RALYL: variants seen among roughly 807,000 people sequenced by gnomAD.
The protein encoded by RALYL is RALY RNA binding protein like.
A neutral mutation model predicts 35.1 loss-of-function variants in RALYL; 29 were observed. The ratio of observed to expected loss-of-function variants is 0.83; its 90% confidence interval spans 0.61 to 1.13. The LOEUF (loss-of-function observed/expected upper bound fraction) is 1.13, where lower values mean the gene tolerates loss of function less well. Ranked by LOEUF, RALYL falls within the 50% of genes most tolerant of loss-of-function variation. RALYL has a pLI of 0.00. For missense variants in RALYL, 359 were observed against 360.4 expected, an observed-to-expected ratio of 1.00 and a Z score of 0.03; for synonymous variants, 120 against 127.6, an observed-to-expected ratio of 0.94 and a Z score of 0.40.
chr8:84,469,081 T>G (rs2052255613), intron 1 of RALYL, among the ~76,000 whole-genome samples: 1 of 152,202 alleles, frequency 6.6e-6, no homozygotes, highest in Non-Finnish European at 1.5e-5. Flanking sequence ...TTCTTTGCCT[T>G]CGGTTTGAAT....
At chr8:84,415,305 G>C (rs113241247) in intron 1 of RALYL, among the ~76,000 whole-genome samples, 4,387 of 150,626 alleles carry the variant, frequency 0.029, 214 homozygotes, top group African/African-American at 0.1. Flanking sequence ...TGCAATCTCG[G>C]CTCGGCTCAC....
At chr8:84,643,246 A>T (rs931115669) in intron 2 of RALYL, among the ~76,000 whole-genome samples, 1 of 152,018 alleles carries the variant, frequency 6.6e-6, no homozygotes, top group Middle Eastern at 3.4e-3. Flanking sequence ...GGGTACCACA[A>T]ATACAAACAA....
chr8:84,438,736 A>G (rs557843703), intron 1 of RALYL, among the ~76,000 whole-genome samples: 1 of 152,082 alleles, frequency 6.6e-6, no homozygotes, highest in South Asian at 2.1e-4. Context: ...TAAATATTTA[A>G]TCCATCTTAA....
At chr8:84,783,738 A>T (rs1818730938) in intron 3 of RALYL, among the ~76,000 whole-genome samples, 1 of 152,220 alleles carries the variant, frequency 6.6e-6, no homozygotes, top group Admixed American at 6.5e-5. Context: ...TATTTAAAAA[A>T]GAAGATGAAG....
intron 1 of RALYL, among the ~76,000 whole-genome samples, chr8:84,374,569 T>C (rs534564764): frequency 2.6e-4 from 40 of 151,902 alleles, no homozygotes; most frequent in African/African-American, 9.6e-4. Flanking sequence ...ATGTCTTTTG[T>C]GGGAACATGG....
chr8:84,449,786 T>C (rs2133158665), intron 1 of RALYL, among the ~76,000 whole-genome samples: 1 of 152,182 alleles, frequency 6.6e-6, no homozygotes, highest in Middle Eastern at 3.4e-3. Context: ...CATCTAATCT[T>C]TTGAATTTGT....
chr8:84,775,696 A>T (rs1441070004), intron 3 of RALYL, among the ~76,000 whole-genome samples: 1 of 152,198 alleles, frequency 6.6e-6, no homozygotes, highest in Non-Finnish European at 1.5e-5. Flanking sequence ...GAAGAGATTT[A>T]GCACCTTTGT....
intron 1 of RALYL, among the ~76,000 whole-genome samples, chr8:84,444,974 G>A (rs2048709579): frequency 1.3e-5 from 2 of 151,996 alleles, no homozygotes; most frequent in African/African-American, 2.4e-5. Context: ...TAAGTACCAG[G>A]AAAGGGTTTA....
At chr8:84,269,779 A>G in intron 1 of RALYL, among the ~76,000 whole-genome samples, 1 of 152,146 alleles carries the variant, frequency 6.6e-6, no homozygotes, top group East Asian at 1.9e-4. Context: ...TAGGAGAAAT[A>G]GGTTCTAATA....
At chr8:84,661,931 T>C (rs1831009153) in intron 2 of RALYL, among the ~76,000 whole-genome samples, 1 of 151,236 alleles carries the variant, frequency 6.6e-6, no homozygotes, top group Non-Finnish European at 1.5e-5. Flanking sequence ...CATAGTCACA[T>C]TTTTGTTACT....
chr8:84,490,658 C>G (rs932474870), intron 1 of RALYL, among the ~76,000 whole-genome samples: 1 of 151,216 alleles, frequency 6.6e-6, no homozygotes, highest in African/African-American at 2.4e-5. Context: ...GTGGGCATTT[C>G]CAAGAATATA....
intron 1 of RALYL, among the ~76,000 whole-genome samples, chr8:84,319,940 C>A (rs1844483003): frequency 6.6e-6 from 1 of 151,892 alleles, no homozygotes; most frequent in Non-Finnish European, 1.5e-5. Flanking sequence ...TCTTCTATAG[C>A]TTATATTTAT....
At chr8:84,497,925 G>A (rs2056241515) in intron 1 of RALYL, among the ~76,000 whole-genome samples, 1 of 150,958 alleles carries the variant, frequency 6.6e-6, no homozygotes, top group East Asian at 2.0e-4. Flanking sequence ...ACAGGTGTGA[G>A]GAACCACGCC....
chr8:84,334,008 T>C (rs968640050), intron 1 of RALYL, among the ~76,000 whole-genome samples: 3 of 151,996 alleles, frequency 2.0e-5, no homozygotes, highest in African/African-American at 7.2e-5. Context: ...CACCTCAGCC[T>C]CCTGGGTAGC....
intron 1 of RALYL, among the ~76,000 whole-genome samples, chr8:84,423,281 T>C (rs994483609): frequency 1.3e-5 from 2 of 151,432 alleles, no homozygotes; most frequent in Admixed American, 1.3e-4. Flanking sequence ...TCTTGTTGAA[T>C]TGATCCCTTT....
chr8:84,649,791 A>G lies in RALYL; in HGVS notation c.256+120214A>G, dbSNP rs544110825. Among the ~76,000 whole-genome samples, 385 of 152,182 alleles carry G rather than the reference A, an allele frequency of 2.5e-3. 1 individual carries two copies. Among genetic ancestry groups the G allele is most frequent in the African/African-American group, 8.5e-3 (353 of 41,524 alleles). On this transcript the variant is annotated intron_variant, in intron 2 of 8. Coordinates refer to ENST00000521268, the MANE Select transcript of RALYL (RefSeq NM_173848.7). ...TCTTTTTTGGTTGCATATGAACTTT[A>G]AAGTAGTTTTTTCCAATTCTGTGAC...
chr8:84,631,429 C>T (rs1823883370), intron 2 of RALYL, among the ~76,000 whole-genome samples: 1 of 151,826 alleles, frequency 6.6e-6, no homozygotes, highest in Admixed American at 6.6e-5. Flanking sequence ...GTTTGAAAAA[C>T]AAAAATACCA....
intron 3 of RALYL, among the ~76,000 whole-genome samples, chr8:84,788,899 A>C (rs1300458171): frequency 1.3e-5 from 2 of 152,242 alleles, no homozygotes; most frequent in African/African-American, 2.4e-5. Context: ...ATGAGCAATC[A>C]GGAATGTGTG....
chr8:84,191,394 A>G (rs925752410), intron 1 of RALYL, among the ~76,000 whole-genome samples: 1 of 152,204 alleles, frequency 6.6e-6, no homozygotes, highest in African/African-American at 2.4e-5. Flanking sequence ...TATATTTACT[A>G]GCTATGTCTA....
Sources: gnomAD v4.1 joint callset for allele counts (sites outside exome capture counted in the v4.1 genomes callset) on GRCh38, gnomAD v4.1.1 for gene constraint, MANE v1.5 for transcripts, NCBI Gene and HGNC (gene_info 2026-07-23, HGNC 2026-07-21) for gene names.